Variants in CCDC91 observed in about 807,000 individuals in gnomAD.
CCDC91 encodes coiled-coil domain-containing protein 91.
In CCDC91, 48 loss-of-function variants were observed where a neutral mutation model predicts 63.2. The observed-to-expected ratio is 0.76, with a 90% CI of 0.60 to 0.97. CCDC91 has a LOEUF of 0.97. Ranked by LOEUF, CCDC91 falls within the 50% of genes least tolerant of loss-of-function variation. CCDC91 has a pLI of 0.00. For synonymous variants in CCDC91, 167 were observed against 165.8 expected, an observed-to-expected ratio of 1.01 and a Z score of -0.06; for missense variants, 500 against 494.6, an observed-to-expected ratio of 1.01 and a Z score of -0.10.
chr12:28,394,442 G>A (rs1946155561), intron 8 of CCDC91, among the ~76,000 whole-genome samples: 1 of 151,758 alleles, frequency 6.6e-6, no homozygotes, highest in Non-Finnish European at 1.5e-5. Context: ...CTCCAGCCTG[G>A]GCGACAGAGA....
chr12:28,444,370 G>A (rs1949388047), intron 8 of CCDC91, among the ~76,000 whole-genome samples: 2 of 152,080 alleles, frequency 1.3e-5, no homozygotes, highest in African/African-American at 4.8e-5. Context: ...TGTAATATTT[G>A]TGAAAAATAA....
chr12:28,325,792 A>C (rs1229543755), intron 6 of CCDC91, among the ~76,000 whole-genome samples: 1 of 151,640 alleles, frequency 6.6e-6, no homozygotes, highest in African/African-American at 2.4e-5. Context: ...TTAATGATAG[A>C]GGTAGGGCAA....
At chr12:28,196,150 T>C (rs1230605351) in intron 1 of CCDC91, among the ~76,000 whole-genome samples, 1 of 140,722 alleles carries the variant, frequency 7.1e-6, no homozygotes, top group African/African-American at 2.6e-5. Context: ...ATTTGGTCTT[T>C]GATTTCTCTC....
intron 6 of CCDC91, among the ~76,000 whole-genome samples, chr12:28,345,048 T>A (rs1029350479): frequency 5.3e-5 from 8 of 152,122 alleles, no homozygotes; most frequent in Non-Finnish European, 7.4e-5. Context: ...GTTAATAATA[T>A]ATTTTTTGAA....
At chr12:28,299,922 A>G in intron 3 of CCDC91, among the ~76,000 whole-genome samples, 1 of 151,114 alleles carries the variant, frequency 6.6e-6, no homozygotes, top group East Asian at 1.9e-4. Context: ...TGTTATACAT[A>G]TTATTGTTTT....
At chr12:28,291,287 C>T (rs980182437) in intron 3 of CCDC91, among the ~76,000 whole-genome samples, 3 of 152,098 alleles carry the variant, frequency 2.0e-5, no homozygotes, top group African/African-American at 7.2e-5. Context: ...AGTTGGTTGG[C>T]AAGAGGTCAG....
At chr12:28,414,504 C>T (rs550184687) in intron 8 of CCDC91, among the ~76,000 whole-genome samples, 25 of 152,048 alleles carry the variant, frequency 1.6e-4, no homozygotes, top group Non-Finnish European at 3.1e-4. Context: ...ATAATTTAAA[C>T]ATTTTATTTT....
chr12:28,453,775 A>G (rs1168863012), intron 11 of CCDC91, among the ~76,000 whole-genome samples: 2 of 152,132 alleles, frequency 1.3e-5, no homozygotes, highest in Admixed American at 1.3e-4. Context: ...ATTTCATGCC[A>G]GTAAGGTCAA....
chr12:28,503,848 C>T (rs193257785), intron 12 of CCDC91, among the ~76,000 whole-genome samples: 18 of 151,846 alleles, frequency 1.2e-4, no homozygotes, highest in African/African-American at 4.1e-4. Flanking sequence ...AAAAACCAAA[C>T]ACCACATGTT....
At chr12:28,199,764 T>G (rs575366820) in intron 1 of CCDC91, among the ~76,000 whole-genome samples, 1 of 152,368 alleles carries the variant, frequency 6.6e-6, no homozygotes, top group East Asian at 1.9e-4. Flanking sequence ...AATGTATCTT[T>G]CCACTGCCTC....
intron 7 of CCDC91, among the ~76,000 whole-genome samples, chr12:28,369,265 T>C (rs952918550): frequency 6.6e-6 from 1 of 152,160 alleles, no homozygotes; most frequent in Admixed American, 6.5e-5. Flanking sequence ...AATGCTCCCA[T>C]TCAAAATGGA....
intron 3 of CCDC91, among the ~76,000 whole-genome samples, chr12:28,265,505 A>C (rs1947127076): frequency 6.6e-6 from 1 of 152,080 alleles, no homozygotes; most frequent in Non-Finnish European, 1.5e-5. Flanking sequence ...TGGCAGAGAG[A>C]AACCTGGAAG....
intron 12 of CCDC91, among the ~76,000 whole-genome samples, chr12:28,502,441 A>G (rs1048778500): frequency 3.3e-5 from 5 of 151,902 alleles, no homozygotes; most frequent in Non-Finnish European, 7.4e-5. Flanking sequence ...GAGGATACAA[A>G]CAAATGGAAC....
intron 1 of CCDC91, among the ~76,000 whole-genome samples, chr12:28,247,359 A>C (rs1033027143): frequency 6.6e-5 from 10 of 151,924 alleles, no homozygotes; most frequent in Admixed American, 2.0e-4. Context: ...GGGCGCCTGT[A>C]GTCTCAGCTA....
intron 7 of CCDC91, among the ~76,000 whole-genome samples, chr12:28,385,182 TA>T (rs1945526150): frequency 6.6e-6 from 1 of 152,146 alleles, no homozygotes; most frequent in Non-Finnish European, 1.5e-5. Flanking sequence ...TAATTTGTGA[TA>T]TTTTTCCAAG....
At chr12:28,441,871 G>A (rs1485919979) in intron 8 of CCDC91, among the ~76,000 whole-genome samples, 1 of 151,860 alleles carries the variant, frequency 6.6e-6, no homozygotes. Context: ...TGATAAAGAT[G>A]TGTATCACAC....
At chr12:28,519,294 G>GTTTGT (rs150466852) in intron 12 of CCDC91, among the ~76,000 whole-genome samples, 17,592 of 151,008 alleles carry the variant, frequency 0.12, 2,049 homozygotes, top group African/African-American at 0.31. Flanking sequence ...TAAGTTGTTT[G>GTTTGT]TTTGTTTTGT....
chr12:28,270,184 GT>G (rs1454966397), intron 3 of CCDC91, among the ~76,000 whole-genome samples: 1 of 151,946 alleles, frequency 6.6e-6, no homozygotes, highest in Non-Finnish European at 1.5e-5. Flanking sequence ...CAGATAGATT[GT>G]TTTAGTTAAT....
At chr12:28,257,381 A>C (rs1478716333) in intron 2 of CCDC91, 136 bp downstream of exon 2, 8 of 611,640 alleles carry the variant, frequency 1.3e-5, no homozygotes, top group African/African-American at 3.8e-5. Flanking sequence ...TGGAGTAAAA[A>C]GATGAAATCA....
Sources: allele counts gnomAD v4.1 joint callset (sites outside exome capture counted in the v4.1 genomes callset), GRCh38; gene constraint gnomAD v4.1.1; transcripts MANE v1.5; gene names NCBI Gene and HGNC (gene_info 2026-07-23, HGNC 2026-07-21).